The following NAGA variants were observed in gnomAD, a reference collection of about 807,000 sequenced individuals.
The protein encoded by NAGA is Acetylgalactosaminidase, alpha-N- (alpha-galactosidase B).
A neutral mutation model predicts 45.6 loss-of-function variants in NAGA; 42 were observed. That is an observed-to-expected ratio of 0.92 (90% CI 0.72 to 1.19). NAGA has a LOEUF of 1.19. Ranked by LOEUF, NAGA falls within the 50% of genes most tolerant of loss-of-function variation. The pLI, the probability that NAGA is intolerant of heterozygous loss-of-function variation, is 0.00. For missense variants in NAGA, 493 were observed against 544.8 expected, an observed-to-expected ratio of 0.90 and a Z score of 0.95; for synonymous variants, 176 against 203.1, an observed-to-expected ratio of 0.87 and a Z score of 1.13.
intron 7 of NAGA, 111 bp downstream of exon 7, chr22:42,062,716 T>G: frequency 8.0e-7 from 1 of 1,248,070 alleles, no homozygotes; most frequent in Non-Finnish European, 1.2e-6. Context: ...GGTTGGGGAC[T>G]GGGCGACTCC....
intron 4 of NAGA, 21 bp downstream of exon 4, chr22:42,067,092 C>T (rs778733643): frequency 5.3e-5 from 85 of 1,613,096 alleles, no homozygotes; most frequent in Non-Finnish European, 6.9e-5. Context: ...CCTACGTGCC[C>T]CAGCCAGCTG....
Position 42,067,248 on chromosome 22 carries a change from C to G in NAGA, c.367G>C (p.Gly123Arg), listed in dbSNP as rs1258005369. Residue 123 changes from glycine to arginine, a missense_variant, in exon 4 of 9, where the codon GGC becomes CGC. By Grantham distance (125) the Gly-to-Arg change is moderately radical. Transcript: ENST00000396398. ...GLKLGIYADM[G>R]NFTCMGYPGT... ...GGGTAACCCATGCAGGTGAAGTTGCCCATGTCCGCGTAGATACCCAACTTC... is the reference window on the plus strand; with the variant it reads ...GGGTAACCCATGCAGGTGAAGTTGCGCATGTCCGCGTAGATACCCAACTTC... 1 of 1,613,968 alleles carries G rather than the reference C, an allele frequency of 6.2e-7. No individual in the cohort carries two copies. The highest frequency in any genetic ancestry group is 8.5e-7 in the Non-Finnish European group (1 of 1,180,014).
rs752055242 is a variant in NAGA, at chr22:42,060,900, G to T, written c.1101+24C>A. The T allele has an allele frequency of 1.5e-4, 243 of 1,613,960 alleles. 1 individual carries two copies. Among genetic ancestry groups the T allele is most frequent in the Non-Finnish European group, 2.0e-4 (231 of 1,180,006 alleles). On this transcript the variant is annotated intron_variant, in intron 8 of 8. Transcript: ENST00000396398. ...ACAGAAATCTGAAGCCCAGGCGGGTGGCTGCAGGCAGCCGGGTGCTCACCT... is the reference window on the plus strand; with the variant it reads ...ACAGAAATCTGAAGCCCAGGCGGGTTGCTGCAGGCAGCCGGGTGCTCACCT...
chr22:42,070,175 A>C, intron 1 of NAGA, 107 bp downstream of exon 1: 1 of 1,284,820 alleles, frequency 7.8e-7, no homozygotes. Context: ...TAAGTAAAAG[A>C]GAGAGGAACC....
intron 5 of NAGA, 131 bp downstream of exon 5, chr22:42,066,579 A>G (rs1602495955): frequency 2.3e-6 from 2 of 853,174 alleles, no homozygotes; most frequent in South Asian, 3.4e-5. Flanking sequence ...GACACCTACA[A>G]ATCACCATAT....
rs183674731 is a variant in NAGA, at chr22:42,060,261, G to A, written c.*18C>T. The A allele has an allele frequency of 6.2e-7, 1 of 1,612,732 alleles. No individual in the cohort carries two copies. Among genetic ancestry groups the A allele is most frequent in the Admixed American group, 1.7e-5 (1 of 60,012 alleles). On this transcript the variant is annotated 3_prime_UTR_variant, in exon 9 of 9. Transcript: ENST00000396398. ...AGGCTCAGTGGTGCCACCACAGCCT[G>A]TCACATGTCCCAGCTCCTCACTGCT...
rs1178978070 is a variant in NAGA, at chr22:42,059,246, G to A, written c.*1033C>T. ...AAAAGAGGAGGGCTTGGGAAATACGGACCAAAGCAAGACAGGCAAGAACCC... is the reference window on the plus strand; with the variant it reads ...AAAAGAGGAGGGCTTGGGAAATACGAACCAAAGCAAGACAGGCAAGAACCC... On this transcript the variant is annotated 3_prime_UTR_variant, in exon 9 of 9. Coordinates refer to ENST00000396398, the MANE Select transcript of NAGA (RefSeq NM_000262.3). 6.6e-6 allele frequency: 1 copy of A among 152,220 alleles called. No individual in the cohort carries two copies. Among genetic ancestry groups the A allele is most frequent in the Non-Finnish European group, 1.5e-5 (1 of 68,070 alleles). 9.4% of individuals were successfully genotyped at this position (152,220 alleles called of 1,614,324 possible).
In NAGA at chr22:42,070,689, C is replaced by G. The variant is rs962898019; in HGVS notation, c.-392G>C. On this transcript the variant is annotated 5_prime_UTR_variant, in exon 1 of 9. Transcript: ENST00000396398. Reference sequence around the variant, plus strand: ...GGCGGGGCTGCGGCCAGGCTCCGGACTTCCAGCCGGGTCCGGGTTCCCGCC... The same window carrying G: ...GGCGGGGCTGCGGCCAGGCTCCGGAGTTCCAGCCGGGTCCGGGTTCCCGCC... 16 of 344,966 alleles carry G rather than the reference C, an allele frequency of 4.6e-5. No individual in the cohort carries two copies. Among genetic ancestry groups the G allele is most frequent in the Non-Finnish European group, 6.7e-5 (12 of 179,630 alleles). The allele number at this position is 344,966 out of a possible 1,614,324, so 21.4% of individuals were successfully genotyped here.
At chr22:42,064,281 G>C (rs188671989) in intron 6 of NAGA, among the ~76,000 whole-genome samples, 1 of 140,464 alleles carries the variant, frequency 7.1e-6, no homozygotes, top group Non-Finnish European at 1.6e-5. Context: ...CGGAGGTTGC[G>C]GTGAGCCAAG....
chr22:42,058,593 A>G lies in NAGA; in HGVS notation c.*1686T>C, dbSNP rs1163789845. 1 of 152,222 alleles carries G rather than the reference A, an allele frequency of 6.6e-6. No individual in the cohort carries two copies. The highest frequency in any genetic ancestry group is 1.5e-5 in the Non-Finnish European group (1 of 68,038). The allele number at this position is 152,222 out of a possible 1,614,324, so 9.4% of individuals were successfully genotyped here. On this transcript the variant is annotated 3_prime_UTR_variant, in exon 9 of 9. Coordinates refer to ENST00000396398, the MANE Select transcript of NAGA (RefSeq NM_000262.3). ...TTGAAAGAATGAAGGGTGAAGAGATAGGATCAATCAGGCACCCCCAGGACA... is the reference window on the plus strand; with the variant it reads ...TTGAAAGAATGAAGGGTGAAGAGATGGGATCAATCAGGCACCCCCAGGACA...
In NAGA at chr22:42,064,209, G is replaced by A. The variant is rs377144205; in HGVS notation, c.760-1185C>T. Among the ~76,000 whole-genome samples the A allele has an allele frequency of 7.3e-5, 11 of 151,722 alleles. No homozygotes were observed. The East Asian group carries it at 9.7e-4, about 13-fold the overall frequency. On this transcript the variant is annotated intron_variant, in intron 6 of 8. Transcript: ENST00000396398. ...TACAAAATTAGCCAGGCGTGGTGGC[G>A]CATGCCTGTAATCCCAGCTACTTGG...
At position 42,065,445 on chromosome 22, in the gene NAGA, T is replaced by C. The variant is rs114209912; in HGVS notation, c.759+293A>G. ...CTTCAACCTGCAGAGCAATAACATC[T>C]TATTCCAGGGTCACTACAGACCCAA... On this transcript the variant is annotated intron_variant, in intron 6 of 8. Coordinates refer to ENST00000396398, the MANE Select transcript of NAGA (RefSeq NM_000262.3). Among the ~76,000 whole-genome samples, 3,571 of 152,216 alleles carry C rather than the reference T, an allele frequency of 0.023. 135 individuals are homozygous for C. The highest frequency in any genetic ancestry group is 0.082 in the African/African-American group (3,403 of 41,514).
At chr22:42,067,326 G>T (rs1926800920) in intron 3 of NAGA, 36 bp from the exon 4 acceptor site, 2 of 1,611,910 alleles carry the variant, frequency 1.2e-6, no homozygotes, top group South Asian at 1.1e-5. Context: ...GCTCAAGCAG[G>T]ACCCTCAAGG....
chr22:42,063,274 G>T (rs1926517968), intron 6 of NAGA, among the ~76,000 whole-genome samples: 1 of 152,080 alleles, frequency 6.6e-6, no homozygotes, highest in South Asian at 2.1e-4. Flanking sequence ...GGGGTGGGCA[G>T]ATGGCCAGGT....
Position 42,058,871 on chromosome 22 carries a change from A to G in NAGA, c.*1408T>C. ...TGCACGGAGGGGCAGGCCTGGGATG[A>G]GGTAGGCTTCTGTCCTAAGTTTCTC... On this transcript the variant is annotated 3_prime_UTR_variant, in exon 9 of 9. Transcript: ENST00000396398. 6.6e-6 allele frequency: 1 copy of G among 152,462 alleles called. No homozygotes were observed. The highest frequency in any genetic ancestry group is 1.5e-5 in the Non-Finnish European group (1 of 68,148). 9.4% of individuals were successfully genotyped at this position (152,462 alleles called of 1,614,324 possible).
At position 42,067,872 on chromosome 22, in the gene NAGA, T is replaced by C; in HGVS notation, c.217A>G (p.Thr73Ala). Residue 73 changes from threonine to alanine, a missense_variant, in exon 3 of 9, where the codon ACA becomes GCA. Physicochemically the swap from Thr to Ala is moderately conservative, Grantham distance 58. Transcript: ENST00000396398. ...CAGCAGTCATCAATGTTGAGGTATG[T>C]GTAGCCCATGTCCCGCCATCCATCC... ...AQDGWRDMGY[T>A]YLNIDDCWIG... The C allele has an allele frequency of 1.2e-6, 2 of 1,613,676 alleles. No homozygotes were observed. Among genetic ancestry groups the C allele is most frequent in the South Asian group, 2.2e-5 (2 of 91,088 alleles).
At chr22:42,065,611 G>A in intron 6 of NAGA, 127 bp downstream of exon 6, 9 of 1,281,576 alleles carry the variant, frequency 7.0e-6, no homozygotes, top group Non-Finnish European at 8.8e-6. Flanking sequence ...CCAGTTCAGG[G>A]ACACATTTCA....
chr22:42,070,108 T>C lies in NAGA; in HGVS notation c.16+174A>G, dbSNP rs1024532101. 2.0e-5 allele frequency among the ~76,000 whole-genome samples: 3 copies of C among 152,356 alleles called. No individual in the cohort carries two copies. The East Asian group carries it at 5.8e-4, about 29-fold the overall frequency. On this transcript the variant is annotated intron_variant, in intron 1 of 8. Coordinates refer to ENST00000396398, the MANE Select transcript of NAGA (RefSeq NM_000262.3). Reference sequence around the variant, plus strand: ...GAGGAAGTGAGAAAGGAAGGGCCCCTTTGAAGGAGAAATGATTCCCGTATG... The same window carrying C: ...GAGGAAGTGAGAAAGGAAGGGCCCCCTTGAAGGAGAAATGATTCCCGTATG...
intron 3 of NAGA, among the ~76,000 whole-genome samples, chr22:42,067,510 C>T (rs1926813020): frequency 6.6e-6 from 1 of 152,242 alleles, no homozygotes; most frequent in Non-Finnish European, 1.5e-5. Flanking sequence ...TCCTGCCATC[C>T]TCTCTGCCTC....
Sources: gnomAD v4.1 joint callset for allele counts (sites outside exome capture counted in the v4.1 genomes callset) on GRCh38, gnomAD v4.1.1 for gene constraint, MANE v1.5 for transcripts, NCBI Gene and HGNC (gene_info 2026-07-23, HGNC 2026-07-21) for gene names.